Variants in NPAS3 observed in about 807,000 individuals in gnomAD.
NPAS3 encodes neuronal PAS domain-containing protein 3.
A neutral mutation model predicts 73.1 loss-of-function variants in NPAS3; 14 were observed. The observed-to-expected ratio is 0.19, with a 90% CI of 0.13 to 0.30. The LOEUF is 0.30. NPAS3 is among the 10% of genes least tolerant of loss of function. The pLI, the probability that NPAS3 is intolerant of heterozygous loss-of-function variation, is 1.00. For synonymous variants in NPAS3, 620 were observed against 541.5 expected (o/e 1.14, Z -2.01); for missense variants, 1,096 against 1,250.0 (o/e 0.88, Z 1.86).
At chr14:33,453,467 C>T (rs930475509) in intron 4 of NPAS3, among the ~76,000 whole-genome samples, 2 of 152,066 alleles carry the variant, frequency 1.3e-5, no homozygotes, top group Non-Finnish European at 1.5e-5. Flanking sequence ...CCAATATTTC[C>T]TATTATTTAG....
intron 3 of NPAS3, among the ~76,000 whole-genome samples, chr14:33,253,045 T>C (rs1260866184): frequency 6.6e-6 from 1 of 152,128 alleles, no homozygotes; most frequent in Non-Finnish European, 1.5e-5. Flanking sequence ...TTAGGTTCGT[T>C]CCATGACTTT....
intron 4 of NPAS3, among the ~76,000 whole-genome samples, chr14:33,475,549 T>TAAAAAAA: frequency 8.9e-6 from 1 of 112,714 alleles, no homozygotes; most frequent in Non-Finnish European, 2.0e-5. Flanking sequence ...AACTAAGATC[T>TAAAAAAA]AAAAAAAAAA....
At chr14:33,131,639 T>G (rs2043638364) in intron 2 of NPAS3, among the ~76,000 whole-genome samples, 1 of 152,122 alleles carries the variant, frequency 6.6e-6, no homozygotes, top group South Asian at 2.1e-4. Context: ...TTATAGAAAA[T>G]ACGGCAAACT....
intron 3 of NPAS3, among the ~76,000 whole-genome samples, chr14:33,268,491 T>A (rs2139998554): frequency 6.6e-6 from 1 of 152,322 alleles, no homozygotes; most frequent in Non-Finnish European, 1.5e-5. Flanking sequence ...TGGCCTTGTC[T>A]TTGATGTTTA....
chr14:33,458,994 T>C (rs1428742076), intron 4 of NPAS3, among the ~76,000 whole-genome samples: 1 of 152,240 alleles, frequency 6.6e-6, no homozygotes, highest in African/African-American at 2.4e-5. Context: ...AGGCTGCTGG[T>C]TGCCCATTTT....
intron 4 of NPAS3, among the ~76,000 whole-genome samples, chr14:33,499,965 A>T (rs917196331): frequency 6.6e-6 from 1 of 151,920 alleles, no homozygotes; most frequent in African/African-American, 2.4e-5. Context: ...TGGAGTCTGA[A>T]CGGAAGAAAA....
chr14:32,996,870 T>A (rs1158206854), intron 1 of NPAS3, among the ~76,000 whole-genome samples: 2 of 152,154 alleles, frequency 1.3e-5, no homozygotes, highest in South Asian at 2.1e-4. Flanking sequence ...CACTGCCTAA[T>A]GGAGCTTTGA....
intron 7 of NPAS3, among the ~76,000 whole-genome samples, chr14:33,765,948 G>A (rs1249621167): frequency 2.6e-5 from 4 of 152,180 alleles, no homozygotes; most frequent in African/African-American, 4.8e-5. Context: ...AGCTCTCCAC[G>A]TGATTCCTGT....
intron 5 of NPAS3, among the ~76,000 whole-genome samples, chr14:33,563,517 T>TACACACACACAC (rs146854404): frequency 0.024 from 2,553 of 106,824 alleles, 80 homozygotes; most frequent in South Asian, 0.053. Flanking sequence ...TACACATACA[T>TACACACACACAC]ACACACACAC....
At chr14:33,210,803 A>T (rs2047002928) in intron 2 of NPAS3, among the ~76,000 whole-genome samples, 1 of 152,156 alleles carries the variant, frequency 6.6e-6, no homozygotes, top group Admixed American at 6.5e-5. Flanking sequence ...GCACAAAAAA[A>T]TTTATAAATC....
At chr14:33,389,468 T>C (rs2046908845) in intron 4 of NPAS3, among the ~76,000 whole-genome samples, 1 of 152,182 alleles carries the variant, frequency 6.6e-6, no homozygotes, top group African/African-American at 2.4e-5. Flanking sequence ...TTAAATATTA[T>C]GTTCAACCTC....
At chr14:33,186,091 A>G (rs2045964264) in intron 2 of NPAS3, among the ~76,000 whole-genome samples, 1 of 152,186 alleles carries the variant, frequency 6.6e-6, no homozygotes, top group Admixed American at 6.5e-5. Context: ...CAAAAAGACA[A>G]GTAGACTCCC....
intron 4 of NPAS3, among the ~76,000 whole-genome samples, chr14:33,521,751 T>C (rs911931396): frequency 2.6e-5 from 4 of 152,128 alleles, no homozygotes; most frequent in African/African-American, 9.7e-5. Context: ...TATTGTAGGT[T>C]AGCAGCACAT....
intron 3 of NPAS3, among the ~76,000 whole-genome samples, chr14:33,264,433 G>C (rs1409350703): frequency 6.6e-6 from 1 of 151,970 alleles, no homozygotes; most frequent in Non-Finnish European, 1.5e-5. Context: ...ATAAAAAAAA[G>C]AAAAAGTAAC....
chr14:33,571,403 T>C (rs148075954), intron 5 of NPAS3, among the ~76,000 whole-genome samples: 16 of 152,284 alleles, frequency 1.1e-4, no homozygotes, highest in African/African-American at 3.8e-4. Context: ...AAGTAGGCTA[T>C]TTTATTTTTA....
intron 6 of NPAS3, among the ~76,000 whole-genome samples, chr14:33,723,952 T>G (rs1398388563): frequency 6.6e-6 from 1 of 152,058 alleles, no homozygotes; most frequent in African/African-American, 2.4e-5. Flanking sequence ...TAAAAATATA[T>G]ATATCCATTT....
At chr14:33,555,529 C>G (rs2055315175) in intron 4 of NPAS3, among the ~76,000 whole-genome samples, 1 of 152,094 alleles carries the variant, frequency 6.6e-6, no homozygotes, top group Non-Finnish European at 1.5e-5. Flanking sequence ...AAAAAAAATT[C>G]CACAGAACTT....
chr14:33,009,853 G>T (rs753623931), intron 1 of NPAS3, among the ~76,000 whole-genome samples: 2 of 152,060 alleles, frequency 1.3e-5, no homozygotes, highest in African/African-American at 4.8e-5. Flanking sequence ...CCAAGCAGGC[G>T]CAGACAAGAC....
At chr14:33,221,009 C>T (rs2047403967) in intron 3 of NPAS3, among the ~76,000 whole-genome samples, 1 of 152,204 alleles carries the variant, frequency 6.6e-6, no homozygotes. Flanking sequence ...CAAGCTTTTA[C>T]TCATGGAGCT....
Sources: allele counts gnomAD v4.1 joint callset (sites outside exome capture counted in the v4.1 genomes callset), GRCh38; gene constraint gnomAD v4.1.1; transcripts MANE v1.5; gene names NCBI Gene and HGNC (gene_info 2026-07-23, HGNC 2026-07-21).